The following PACSIN2 variants were observed in gnomAD, a reference collection of about 807,000 sequenced individuals.
PACSIN2 encodes protein kinase C and casein kinase substrate in neurons 2, also known as protein kinase C and casein kinase substrate in neurons protein 2.
PACSIN2 carries 25 observed loss-of-function variants against 63.8 expected under a neutral mutation model. The observed-to-expected ratio is 0.39, with a 90% confidence interval of 0.29 to 0.55. PACSIN2 has a LOEUF of 0.55. Among genes scored for constraint, PACSIN2 ranks in the 20% least tolerant of loss-of-function variants. PACSIN2 has a pLI of 0.62. For synonymous variants in PACSIN2, 255 were observed against 256.2 expected, an observed-to-expected ratio of 1.00 and a Z score of 0.05; for missense variants, 518 against 646.9, an observed-to-expected ratio of 0.80 and a Z score of 2.16.
chr22:42,974,469 T>C (rs1004573048), intron 1 of PACSIN2, among the ~76,000 whole-genome samples: 8 of 152,122 alleles, frequency 5.3e-5, no homozygotes, highest in African/African-American at 1.9e-4. Flanking sequence ...AGGAGAGTGC[T>C]CTTCCTGGTG....
chr22:43,000,007 A>G (rs995379274), intron 1 of PACSIN2, among the ~76,000 whole-genome samples: 3 of 152,208 alleles, frequency 2.0e-5, no homozygotes, highest in African/African-American at 7.2e-5. Flanking sequence ...CAACAATCCT[A>G]TCATGATCCC....
At chr22:42,959,382 C>T (rs1212704042) in intron 1 of PACSIN2, among the ~76,000 whole-genome samples, 3 of 152,018 alleles carry the variant, frequency 2.0e-5, no homozygotes, top group African/African-American at 7.3e-5. Context: ...TTTAGCTACT[C>T]GGTAAGAAAA....
At chr22:42,961,086 A>T (rs964706397) in intron 1 of PACSIN2, among the ~76,000 whole-genome samples, 8 of 152,192 alleles carry the variant, frequency 5.3e-5, no homozygotes, top group Non-Finnish European at 1.2e-4. Flanking sequence ...TCCTTTCAAC[A>T]TGGCCCAAGC....
At chr22:42,912,579 G>A (rs918577362) in intron 1 of PACSIN2, among the ~76,000 whole-genome samples, 11 of 152,172 alleles carry the variant, frequency 7.2e-5, no homozygotes, top group South Asian at 2.1e-4. Flanking sequence ...TACTGACTCC[G>A]CCACTGAAGC....
At chr22:42,904,719 C>A (rs571171282) in intron 2 of PACSIN2, among the ~76,000 whole-genome samples, 13 of 47,752 alleles carry the variant, frequency 2.7e-4, no homozygotes, top group South Asian at 2.3e-3. Context: ...CTTCCACAGC[C>A]CCCCCATACT....
At chr22:42,967,617 G>A (rs543563853) in intron 1 of PACSIN2, among the ~76,000 whole-genome samples, 44 of 152,270 alleles carry the variant, frequency 2.9e-4, no homozygotes, top group Middle Eastern at 3.4e-3. Flanking sequence ...GGCCGGGCGC[G>A]GTGGCTCACG....
chr22:42,957,649 T>A (rs1181855720), intron 1 of PACSIN2, among the ~76,000 whole-genome samples: 1 of 152,220 alleles, frequency 6.6e-6, no homozygotes, highest in East Asian at 1.9e-4. Flanking sequence ...GTTGTATTAT[T>A]TTAAAGTCTT....
At chr22:42,947,322 T>A (rs1205312835) in intron 1 of PACSIN2, among the ~76,000 whole-genome samples, 1 of 152,162 alleles carries the variant, frequency 6.6e-6, no homozygotes, top group Non-Finnish European at 1.5e-5. Context: ...ATTGACAACA[T>A]GCATGAGTCA....
At chr22:42,889,905 C>T (rs922820570) in intron 4 of PACSIN2, among the ~76,000 whole-genome samples, 1 of 150,904 alleles carries the variant, frequency 6.6e-6, no homozygotes, top group Non-Finnish European at 1.5e-5. Flanking sequence ...TTCTTTCTAT[C>T]GTCAAAGGGA....
intron 1 of PACSIN2, among the ~76,000 whole-genome samples, chr22:42,927,508 C>T (rs1405611507): frequency 6.6e-6 from 1 of 152,158 alleles, no homozygotes; most frequent in African/African-American, 2.4e-5. Context: ...CTTGGCCTCC[C>T]AAAGTGCTGG....
chr22:43,006,657 A>G (rs1924109143), intron 1 of PACSIN2, among the ~76,000 whole-genome samples: 1 of 152,120 alleles, frequency 6.6e-6, no homozygotes, highest in African/African-American at 2.4e-5. Flanking sequence ...TCTACCAAAA[A>G]TACAAAAATT....
chr22:43,010,153 C>A (rs1429600448), intron 1 of PACSIN2, among the ~76,000 whole-genome samples: 1 of 151,764 alleles, frequency 6.6e-6, no homozygotes, highest in Non-Finnish European at 1.5e-5. Flanking sequence ...CAGGTGTGAG[C>A]CACAGCGCCC....
rs1922010233 is a variant in PACSIN2 at position 42,980,471 on chromosome 22, TCCCTCTCCCTCTCCCCCTCCCCCTCC to T, written c.-78+34524_-78+34549del. 6.4e-5 allele frequency among the ~76,000 whole-genome samples: 9 copies of T among 140,996 alleles called. No homozygotes were observed. The South Asian group carries it at 2.1e-3, about 33-fold the overall frequency. The allele number at this position is 140,996 out of a possible 152,430, so 92.5% of individuals were successfully genotyped here. A position where few individuals can be genotyped will look rare whatever the true frequency, so the allele number is the denominator to read the frequency against. ...TCCCTCAAAAAAACAAACAACCCTC[TCCCTCTCCCTCTCCCCCTCCCCCTCC>T]CCCTCTCCCTCTCCCTCCACGGTCT... On this transcript the variant is annotated intron_variant, in intron 1 of 10. Coordinates refer to ENST00000263246, the MANE Select transcript of PACSIN2 (RefSeq NM_001184970.3).
chr22:42,875,606 G>C (rs1928555672), intron 10 of PACSIN2, among the ~76,000 whole-genome samples: 2 of 152,010 alleles, frequency 1.3e-5, no homozygotes, highest in South Asian at 4.2e-4. Flanking sequence ...TGTGACCTTG[G>C]CTCACTGCAA....
At chr22:42,873,508 A>G (rs1602158756) in intron 10 of PACSIN2, among the ~76,000 whole-genome samples, 1 of 152,262 alleles carries the variant, frequency 6.6e-6, no homozygotes, top group Non-Finnish European at 1.5e-5. Flanking sequence ...AAGACTGGTT[A>G]GAAGCTAGGC....
At chr22:42,899,195 C>T (rs1225105684) in intron 2 of PACSIN2, among the ~76,000 whole-genome samples, 1 of 152,192 alleles carries the variant, frequency 6.6e-6, no homozygotes, top group African/African-American at 2.4e-5. Context: ...GCAGGCACCC[C>T]ATACAAATGT....
At chr22:42,998,375 C>T (rs1923551728) in intron 1 of PACSIN2, among the ~76,000 whole-genome samples, 2 of 152,294 alleles carry the variant, frequency 1.3e-5, no homozygotes, top group Admixed American at 6.5e-5. Context: ...CCCAGCCACA[C>T]TGGCCTCCAT....
At chr22:42,955,933 T>A (rs1933898261) in intron 1 of PACSIN2, among the ~76,000 whole-genome samples, 1 of 152,260 alleles carries the variant, frequency 6.6e-6, no homozygotes, top group African/African-American at 2.4e-5. Flanking sequence ...ATGTGCTTCA[T>A]TTATTTTGTT....
At chr22:42,924,397 A>C (rs1932398457) in intron 1 of PACSIN2, among the ~76,000 whole-genome samples, 1 of 152,228 alleles carries the variant, frequency 6.6e-6, no homozygotes, top group Admixed American at 6.5e-5. Context: ...CTGTAGCTGT[A>C]TGCACTGCTG....
Sources: gnomAD v4.1 joint callset for allele counts (sites outside exome capture counted in the v4.1 genomes callset) on GRCh38, gnomAD v4.1.1 for gene constraint, MANE v1.5 for transcripts, NCBI Gene and HGNC (gene_info 2026-07-23, HGNC 2026-07-21) for gene names.